SLC3A2: variants seen among roughly 807,000 people sequenced by gnomAD.
SLC3A2 encodes the protein solute carrier family 3 member 2, also known as amino acid transporter heavy chain SLC3A2.
Under a neutral mutation model 48.5 loss-of-function variants are expected in SLC3A2, and 32 were observed. That is an observed-to-expected ratio of 0.66 (90% CI 0.50 to 0.89). The LOEUF is 0.89. Ranked by LOEUF, SLC3A2 falls within the 40% of genes least tolerant of loss-of-function variation. SLC3A2 has a pLI of 0.00. For synonymous variants in SLC3A2, 277 were observed against 288.8 expected, an observed-to-expected ratio of 0.96 and a Z score of 0.41; for missense variants, 587 against 680.7, an observed-to-expected ratio of 0.86 and a Z score of 1.53.
At chr11:62,886,242 T>C (rs1373403204) in intron 7 of SLC3A2, among the ~76,000 whole-genome samples, 1 of 151,808 alleles carries the variant, frequency 6.6e-6, no homozygotes, top group African/African-American at 2.4e-5. Flanking sequence ...TGAACTGAGA[T>C]TGTGCCACTG....
At chr11:62,871,534 C>CCAG in intron 1 of SLC3A2, 1 of 599,858 alleles carries the variant, frequency 1.7e-6, no homozygotes, top group Non-Finnish European at 3.0e-6. Context: ...GCCACTGTGC[C>CCAG]CAACCATACT....
chr11:62,882,097 C>G, intron 2 of SLC3A2, 31 bp downstream of exon 2: 1 of 1,612,548 alleles, frequency 6.2e-7, no homozygotes, highest in South Asian at 1.1e-5. Flanking sequence ...AAGGAAACAG[C>G]TAGAAAGGAC....
chr11:62,862,724 G>T (rs1477970678), intron 1 of SLC3A2, among the ~76,000 whole-genome samples: 1 of 152,066 alleles, frequency 6.6e-6, no homozygotes, highest in Non-Finnish European at 1.5e-5. Flanking sequence ...ATTTTTAAAT[G>T]ATCTTTTCTC....
intron 1 of SLC3A2, among the ~76,000 whole-genome samples, chr11:62,864,536 G>A (rs371973409): frequency 6.6e-6 from 1 of 151,748 alleles, no homozygotes; most frequent in Non-Finnish European, 1.5e-5. Context: ...GCGCGATCTC[G>A]GCTCACTGCA....
At chr11:62,888,303 G>C in intron 8 of SLC3A2, 28 bp from the exon 9 acceptor site, 1 of 1,609,950 alleles carries the variant, frequency 6.2e-7, no homozygotes, top group Non-Finnish European at 8.5e-7. Context: ...CCCCTCACAC[G>C]CTTCTGCTAT....
chr11:62,860,812 T>C (rs1416582296), intron 1 of SLC3A2, among the ~76,000 whole-genome samples: 1 of 152,320 alleles, frequency 6.6e-6, no homozygotes, highest in East Asian at 1.9e-4. Flanking sequence ...CCCTGGGTAC[T>C]CGAGACTGGA....
chr11:62,870,809 C>T, intron 1 of SLC3A2: 1 of 221,540 alleles, frequency 4.5e-6, no homozygotes, highest in Non-Finnish European at 8.8e-6. Context: ...ATCCTCTTCC[C>T]TCAGCTTCCC....
intron 3 of SLC3A2, chr11:62,883,627 C>A: frequency 4.8e-6 from 1 of 209,198 alleles, no homozygotes; most frequent in Non-Finnish European, 9.9e-6. Context: ...AGCTGTGATT[C>A]TAAGATAGAA....
chr11:62,858,254 A>G (rs928586397), intron 1 of SLC3A2, among the ~76,000 whole-genome samples: 3 of 152,294 alleles, frequency 2.0e-5, no homozygotes, highest in Non-Finnish European at 4.4e-5. Flanking sequence ...TAAGTAATGT[A>G]GGTAAGTGAA....
chr11:62,879,100 C>T (rs144803004), upstream of SLC3A2, among the ~76,000 whole-genome samples: 2,878 of 151,688 alleles, frequency 0.019, 46 homozygotes, highest in Non-Finnish European at 0.03. Context: ...CAGAGTCTTG[C>T]TCTATCACCC....
intron 1 of SLC3A2, among the ~76,000 whole-genome samples, chr11:62,858,946 G>C (rs1278087425): frequency 6.6e-6 from 1 of 152,216 alleles, no homozygotes; most frequent in Non-Finnish European, 1.5e-5. Context: ...GTACAATCGG[G>C]TTTTATACCG....
At chr11:62,868,888 T>C (rs1002663733) in intron 1 of SLC3A2, among the ~76,000 whole-genome samples, 1 of 152,052 alleles carries the variant, frequency 6.6e-6, no homozygotes, top group Non-Finnish European at 1.5e-5. Flanking sequence ...CTTTTGTATA[T>C]CTAATTTTGT....
intron 1 of SLC3A2, among the ~76,000 whole-genome samples, chr11:62,861,698 T>G (rs535735093): frequency 1.2e-3 from 175 of 151,868 alleles, no homozygotes; most frequent in African/African-American, 4.1e-3. Context: ...TGTGGATCAC[T>G]TGAGGTTGGG....
chr11:62,882,214 A>G, intron 2 of SLC3A2, 148 bp downstream of exon 2: 1 of 912,890 alleles, frequency 1.1e-6, no homozygotes, highest in East Asian at 2.6e-5. Flanking sequence ...TCAGCCTAAA[A>G]TGGATTTGTC....
upstream of SLC3A2, chr11:62,876,999 A>G (rs1003717513): frequency 7.4e-6 from 7 of 940,938 alleles, no homozygotes; most frequent in Non-Finnish European, 8.8e-6. Flanking sequence ...ATTCCTTTTC[A>G]TTTTCCTGCC....
chr11:62,881,535 G>A lies in SLC3A2; in HGVS notation c.424+88G>A. On this transcript the variant is annotated intron_variant, in intron 1 of 8. Transcript: ENST00000338663. This position sits in a 1 kb window ranked among gnomAD's most constrained non-coding sequence, Gnocchi z 4.0. ...CCTCCCCTGTCCCCAGACGGATCTA[G>A]ATGGTTCTTCCCTCCATCCCGTACC... 2 of 1,466,226 alleles carry A rather than the reference G, an allele frequency of 1.4e-6. No homozygotes were observed. Among genetic ancestry groups the A allele is most frequent in the Non-Finnish European group, 1.8e-6 (2 of 1,109,470 alleles). 90.8% of individuals were successfully genotyped at this position (1,466,226 alleles called of 1,614,324 possible). A position where few individuals can be genotyped will look rare whatever the true frequency, so the allele number is the denominator to read the frequency against.
Position 62,885,484 on chromosome 11 carries a change from T to C in SLC3A2, c.1019T>C (p.Leu340Pro). 6 of 1,614,216 alleles carry C rather than the reference T, an allele frequency of 3.7e-6. No homozygotes were observed. Among genetic ancestry groups the C allele is most frequent in the Non-Finnish European group, 5.1e-6 (6 of 1,180,030 alleles). The change falls in exon 7 of 9, where the codon CTG becomes CCG. Residue 340 changes from leucine (L) to proline (P), a missense_variant. Leu to Pro is a moderately conservative substitution (Grantham distance 98). Around this residue, in one of 3 missense-constraint regions of SLC3A2, gnomAD observed 409 missense variants for 446.7 expected, o/e 0.92. Transcript: ENST00000338663. Reference sequence around the variant, plus strand: ...CTGTAGTTGTCTCAGGCAAGGCTCCTGACTTCCTTCTTGCCGGCTCAACTT... The same window carrying C: ...CTGTAGTTGTCTCAGGCAAGGCTCCCGACTTCCTTCTTGCCGGCTCAACTT... ...CSWSLSQARL[L>P]TSFLPAQLLR...
At position 62,888,330 on chromosome 11, in the gene SLC3A2, G is replaced by A; in HGVS notation, c.1228-1G>A. On this transcript the variant is annotated splice_acceptor_variant, in intron 8 of 8. Transcript: ENST00000338663. LOFTEE classifies it high-confidence loss of function. ...TTCTGCTATGTTTTTATCATTCTTA[G>A]GGCCAGAGTGAAGACCCTGGCTCCC... 6.2e-7 allele frequency: 1 copy of A among 1,613,292 alleles called. No homozygotes were observed. Among genetic ancestry groups the A allele is most frequent in the Non-Finnish European group, 8.5e-7 (1 of 1,179,472 alleles).
At chr11:62,887,924 CTG>C (rs1378761213) in intron 7 of SLC3A2, 1 of 474,610 alleles carries the variant, frequency 2.1e-6, no homozygotes, top group Non-Finnish European at 3.9e-6. Flanking sequence ...TCCCCAGTAT[CTG>C]GGACTATAGG....
Sources: gnomAD v4.1 joint callset for allele counts (sites outside exome capture counted in the v4.1 genomes callset) on GRCh38, gnomAD v4.1.1 for gene constraint, gnomAD v4.1.1 regional missense constraint, Gnocchi (gnomAD v3.1) non-coding constraint, MANE v1.5 for transcripts, NCBI Gene and HGNC (gene_info 2026-07-23, HGNC 2026-07-21) for gene names.